The following RNF180 variants were observed in gnomAD, a reference collection of about 807,000 sequenced individuals.
The protein encoded by RNF180 is ring finger protein 180.
In RNF180, 38 loss-of-function variants were observed where a neutral mutation model predicts 59.2. The observed-to-expected ratio is 0.64, with a 90% CI of 0.50 to 0.84. RNF180 has a LOEUF of 0.84. Ranked by LOEUF, RNF180 falls within the 40% of genes least tolerant of loss-of-function variation. The pLI is 0.00. For synonymous variants in RNF180, 262 were observed against 240.3 expected, an observed-to-expected ratio of 1.09 and a Z score of -0.84; for missense variants, 705 against 700.9, an observed-to-expected ratio of 1.01 and a Z score of -0.07.
intron 7 of RNF180, among the ~76,000 whole-genome samples, chr5:64,345,893 ATG>A (rs1745534003): frequency 6.6e-6 from 1 of 152,154 alleles, no homozygotes; most frequent in African/African-American, 2.4e-5. Context: ...CTGATTTTTT[ATG>A]TGTGTGAAGT....
At chr5:64,368,709 A>G (rs907498958) in intron 7 of RNF180, among the ~76,000 whole-genome samples, 3 of 152,094 alleles carry the variant, frequency 2.0e-5, no homozygotes, top group African/African-American at 7.2e-5. Context: ...ACATGAAAAA[A>G]TGCTCATCAT....
At chr5:64,202,645 G>T (rs1051030482) in intron 2 of RNF180, among the ~76,000 whole-genome samples, 1 of 152,034 alleles carries the variant, frequency 6.6e-6, no homozygotes, top group Non-Finnish European at 1.5e-5. Context: ...AGTATTTTCC[G>T]TCTTTATAAT....
chr5:64,224,206 A>T (rs951916399), intron 5 of RNF180, among the ~76,000 whole-genome samples: 4 of 152,132 alleles, frequency 2.6e-5, no homozygotes, highest in African/African-American at 9.7e-5. Context: ...GAGTTGATAG[A>T]GTCCTTGACA....
At chr5:64,191,769 C>G (rs1751173850) in intron 1 of RNF180, among the ~76,000 whole-genome samples, 1 of 152,064 alleles carries the variant, frequency 6.6e-6, no homozygotes, top group South Asian at 2.1e-4. Context: ...TTGATTGTTT[C>G]CTTTGCTGTG....
chr5:64,262,417 G>T (rs144463937), intron 5 of RNF180, among the ~76,000 whole-genome samples: 2 of 152,020 alleles, frequency 1.3e-5, no homozygotes, highest in Non-Finnish European at 2.9e-5. Flanking sequence ...TGCTCATTTC[G>T]TATTTCAAAA....
chr5:64,326,915 C>T (rs753553068), intron 6 of RNF180, among the ~76,000 whole-genome samples: 1 of 152,100 alleles, frequency 6.6e-6, no homozygotes, highest in Non-Finnish European at 1.5e-5. Context: ...TAGATTTCGG[C>T]AGTGAAGGCC....
chr5:64,346,417 T>C (rs1297056420), intron 7 of RNF180, among the ~76,000 whole-genome samples: 1 of 139,508 alleles, frequency 7.2e-6, no homozygotes, highest in Non-Finnish European at 1.5e-5. Context: ...TCACCCAGGC[T>C]GTAGTGCAGT....
intron 5 of RNF180, 103 bp from the exon 6 acceptor site, chr5:64,325,083 A>ATGCTTCTCAAATATTTT: frequency 1.4e-6 from 1 of 692,782 alleles, no homozygotes; most frequent in South Asian, 1.9e-5. Flanking sequence ...CACAGTTTAT[A>ATGCTTCTCAAATATTTT]TGCTTCTCAA....
chr5:64,251,363 G>T (rs997258722), intron 5 of RNF180, among the ~76,000 whole-genome samples: 3 of 152,178 alleles, frequency 2.0e-5, no homozygotes, highest in African/African-American at 7.2e-5. Context: ...GCAAGAAAAA[G>T]AAATGAAAGG....
At chr5:64,335,331 C>T (rs751240497) in intron 7 of RNF180, among the ~76,000 whole-genome samples, 6 of 151,970 alleles carry the variant, frequency 3.9e-5, no homozygotes, top group Non-Finnish European at 8.8e-5. Flanking sequence ...TGTAGTTCTT[C>T]AATTTCTTCA....
chr5:64,294,239 T>C (rs1407724170), intron 5 of RNF180, among the ~76,000 whole-genome samples: 1 of 152,210 alleles, frequency 6.6e-6, no homozygotes, highest in African/African-American at 2.4e-5. Flanking sequence ...TTTAACAAGT[T>C]TGTAACTCAA....
At chr5:64,279,075 A>G (rs908939031) in intron 5 of RNF180, among the ~76,000 whole-genome samples, 3 of 152,226 alleles carry the variant, frequency 2.0e-5, no homozygotes, top group Non-Finnish European at 4.4e-5. Flanking sequence ...GTTAGAAATG[A>G]AAAGAACCAA....
At chr5:64,360,373 G>A (rs945692149) in intron 7 of RNF180, among the ~76,000 whole-genome samples, 1 of 151,694 alleles carries the variant, frequency 6.6e-6, no homozygotes, top group East Asian at 1.9e-4. Flanking sequence ...AACCCTTCAT[G>A]CTAAAAACTC....
chr5:64,195,595 T>C (rs1751416691), intron 1 of RNF180, among the ~76,000 whole-genome samples: 1 of 152,180 alleles, frequency 6.6e-6, no homozygotes, highest in African/African-American at 2.4e-5. Context: ...ATTGGCTAAT[T>C]GATATAAATA....
chr5:64,315,724 G>C (rs1163405027), intron 5 of RNF180, among the ~76,000 whole-genome samples: 1 of 126,734 alleles, frequency 7.9e-6, no homozygotes. Context: ...CAACAAGAGC[G>C]TAACTGTCTC....
chr5:64,201,077 C>A (rs1009544339), intron 2 of RNF180, 135 bp downstream of exon 2: 1 of 637,982 alleles, frequency 1.6e-6, no homozygotes, highest in South Asian at 3.7e-5. Flanking sequence ...TTGTCTCTCA[C>A]CTTATTTCAC....
At chr5:64,352,188 A>G (rs889818892) in intron 7 of RNF180, among the ~76,000 whole-genome samples, 1 of 151,968 alleles carries the variant, frequency 6.6e-6, no homozygotes, top group South Asian at 2.1e-4. Context: ...GTTTATTTGC[A>G]TAGAGGTGTT....
chr5:64,344,388 A>G (rs1745472952), intron 7 of RNF180, among the ~76,000 whole-genome samples: 1 of 152,192 alleles, frequency 6.6e-6, no homozygotes, highest in South Asian at 2.1e-4. Context: ...TCCATAGGAA[A>G]ACATAAAACC....
chr5:64,293,517 A>G (rs553760651), intron 5 of RNF180, among the ~76,000 whole-genome samples: 82 of 152,176 alleles, frequency 5.4e-4, no homozygotes, highest in African/African-American at 1.9e-3. Context: ...TTTTATTTTA[A>G]ATCTAAACTT....
Sources: gnomAD v4.1 joint callset for allele counts (sites outside exome capture counted in the v4.1 genomes callset) on GRCh38, gnomAD v4.1.1 for gene constraint, MANE v1.5 for transcripts, NCBI Gene and HGNC (gene_info 2026-07-23, HGNC 2026-07-21) for gene names.